Variants in SLC24A2 observed in about 807,000 individuals in gnomAD.
SLC24A2 encodes sodium/potassium/calcium exchanger 2.
In SLC24A2, 36 loss-of-function variants were observed where a neutral mutation model predicts 62.0. The observed-to-expected ratio is 0.58, with a 90% CI of 0.44 to 0.77. The LOEUF (loss-of-function observed/expected upper bound fraction) is 0.77. SLC24A2 is among the 30% of genes least tolerant of loss of function. SLC24A2 has a pLI of 0.00. For synonymous variants in SLC24A2, 358 were observed against 294.0 expected, an observed-to-expected ratio of 1.22 and a Z score of -2.23; for missense variants, 846 against 817.9, an observed-to-expected ratio of 1.03 and a Z score of -0.42.
chr9:19,706,278 T>A (rs912063397), intron 2 of SLC24A2, among the ~76,000 whole-genome samples: 4 of 152,038 alleles, frequency 2.6e-5, no homozygotes, highest in African/African-American at 9.7e-5. Context: ...TTGTTTTCCA[T>A]TTGCTTGGTA....
chr9:20,064,742 G>A, the SLC24A2 span, among the ~76,000 whole-genome samples: 2 of 152,170 alleles, frequency 1.3e-5, no homozygotes, highest in African/African-American at 2.4e-5. Flanking sequence ...AGCACCCACC[G>A]CTGAAGCTGA....
At chr9:20,155,427 C>T in the SLC24A2 span, among the ~76,000 whole-genome samples, 1 of 151,716 alleles carries the variant, frequency 6.6e-6, no homozygotes, top group South Asian at 2.1e-4. Flanking sequence ...ACAAGATCAT[C>T]TTACAATTAC....
chr9:19,829,765 A>ATGTGTG, the SLC24A2 span, among the ~76,000 whole-genome samples: 42 of 56,858 alleles, frequency 7.4e-4, no homozygotes, highest in African/African-American at 1.6e-3. Flanking sequence ...TTATATATAT[A>ATGTGTG]TGTGTGTGTG....
the SLC24A2 span, among the ~76,000 whole-genome samples, chr9:19,954,783 T>A: frequency 1.3e-5 from 2 of 152,142 alleles, no homozygotes; most frequent in East Asian, 3.8e-4. Flanking sequence ...AGAGGTGCAG[T>A]GTTGTTGCCT....
the SLC24A2 span, among the ~76,000 whole-genome samples, chr9:20,007,124 A>C: frequency 6.6e-6 from 1 of 152,202 alleles, no homozygotes. Context: ...GATAAAGTTT[A>C]CTAGAATTAT....
chr9:19,778,495 A>G (rs1272093063), intron 2 of SLC24A2, among the ~76,000 whole-genome samples: 2 of 152,196 alleles, frequency 1.3e-5, no homozygotes, highest in Non-Finnish European at 1.5e-5. Flanking sequence ...GGGAGATGGT[A>G]GGATGTGTCT....
chr9:19,932,568 G>A, the SLC24A2 span, among the ~76,000 whole-genome samples: 1 of 152,114 alleles, frequency 6.6e-6, no homozygotes, highest in African/African-American at 2.4e-5. Context: ...CCATTTTATT[G>A]TATGGGTGAC....
intron 7 of SLC24A2, among the ~76,000 whole-genome samples, chr9:19,557,607 C>A (rs1423553428): frequency 6.6e-6 from 1 of 152,210 alleles, no homozygotes; most frequent in Non-Finnish European, 1.5e-5. Flanking sequence ...GCCAGCTAGT[C>A]AAGGCATGCA....
At chr9:19,544,608 C>G (rs988118374) in intron 8 of SLC24A2, among the ~76,000 whole-genome samples, 2 of 152,076 alleles carry the variant, frequency 1.3e-5, no homozygotes, top group African/African-American at 2.4e-5. Flanking sequence ...TTCAGGAGCT[C>G]TTGTAAGGCA....
intron 8 of SLC24A2, among the ~76,000 whole-genome samples, chr9:19,544,572 T>C (rs968519021): frequency 2.6e-5 from 4 of 152,204 alleles, no homozygotes; most frequent in African/African-American, 9.7e-5. Context: ...TGGTTCCAGT[T>C]GTTCCTCTCC....
intron 2 of SLC24A2, among the ~76,000 whole-genome samples, chr9:19,724,379 A>G (rs567216147): frequency 2.0e-5 from 3 of 152,304 alleles, no homozygotes; most frequent in South Asian, 2.1e-4. Flanking sequence ...AGAGCAAGTC[A>G]TTATCTTTGA....
the SLC24A2 span, among the ~76,000 whole-genome samples, chr9:20,000,705 T>A: frequency 6.6e-6 from 1 of 152,288 alleles, no homozygotes; most frequent in East Asian, 1.9e-4. Flanking sequence ...ATTTTAAGGC[T>A]CTGATTTTGA....
chr9:20,177,635 C>T, the SLC24A2 span, among the ~76,000 whole-genome samples: 3 of 151,966 alleles, frequency 2.0e-5, no homozygotes, highest in Non-Finnish European at 4.4e-5. Context: ...GCTATAAGTC[C>T]TTAATTGATC....
intron 2 of SLC24A2, among the ~76,000 whole-genome samples, chr9:19,744,165 T>G (rs1162073563): frequency 6.6e-6 from 1 of 152,106 alleles, no homozygotes. Context: ...CCTCCTCTCT[T>G]AGGTTCAGAA....
chr9:20,157,988 T>A, the SLC24A2 span, among the ~76,000 whole-genome samples: 1 of 151,658 alleles, frequency 6.6e-6, no homozygotes, highest in East Asian at 1.9e-4. Flanking sequence ...TGAGTTTCAG[T>A]TGAAACTTCT....
chr9:20,045,777 A>G, the SLC24A2 span, among the ~76,000 whole-genome samples: 3 of 152,150 alleles, frequency 2.0e-5, no homozygotes, highest in Non-Finnish European at 4.4e-5. Context: ...CTGGCCGTCC[A>G]TGCATGCTTA....
At chr9:20,117,996 C>G in the SLC24A2 span, among the ~76,000 whole-genome samples, 1 of 152,100 alleles carries the variant, frequency 6.6e-6, no homozygotes, top group Non-Finnish European at 1.5e-5. Flanking sequence ...GGGCTCAAGT[C>G]TTACCACCTT....
the SLC24A2 span, among the ~76,000 whole-genome samples, chr9:20,286,419 CT>C: frequency 3.3e-5 from 5 of 152,142 alleles, no homozygotes; most frequent in Non-Finnish European, 7.3e-5. Context: ...TTTCCTTGTA[CT>C]AACAAGAATA....
At chr9:19,802,839 G>A in the SLC24A2 span, among the ~76,000 whole-genome samples, 1 of 152,144 alleles carries the variant, frequency 6.6e-6, no homozygotes, top group Non-Finnish European at 1.5e-5. Flanking sequence ...CATATATATT[G>A]AAATGTAATT....
Sources: allele counts gnomAD v4.1 joint callset (sites outside exome capture counted in the v4.1 genomes callset), GRCh38; gene constraint gnomAD v4.1.1; transcripts MANE v1.5; gene names NCBI Gene and HGNC (gene_info 2026-07-23, HGNC 2026-07-21).